VTI1A: variants seen among roughly 807,000 people sequenced by gnomAD.
VTI1A encodes vesicle transport through interaction with t-SNAREs homolog 1A.
Under a neutral mutation model 34.9 loss-of-function variants are expected in VTI1A, and 22 were observed. The ratio of observed to expected loss-of-function variants is 0.63; its 90% CI spans 0.45 to 0.90. VTI1A has a LOEUF of 0.90. VTI1A is among the 40% of genes least tolerant of loss of function. The pLI, the probability that VTI1A is intolerant of heterozygous loss-of-function variation, is 0.00. For synonymous variants in VTI1A, 87 were observed against 97.3 expected (o/e 0.89, Z 0.62); for missense variants, 268 against 275.6 (o/e 0.97, Z 0.20).
chr10:112,821,940 T>A (rs984493853), downstream of VTI1A, among the ~76,000 whole-genome samples: 1 of 152,152 alleles, frequency 6.6e-6, no homozygotes, highest in Admixed American at 6.5e-5. Flanking sequence ...CTCGCGGTGG[T>A]GGATGCCTGA....
At chr10:112,580,594 C>G (rs1843890913) in intron 5 of VTI1A, among the ~76,000 whole-genome samples, 1 of 152,054 alleles carries the variant, frequency 6.6e-6, no homozygotes, top group African/African-American at 2.4e-5. Flanking sequence ...AAAGTTGATG[C>G]CTTTTGAGAA....
chr10:112,558,593 C>G (rs1230253806), intron 5 of VTI1A, among the ~76,000 whole-genome samples: 2 of 152,172 alleles, frequency 1.3e-5, no homozygotes, highest in East Asian at 3.9e-4. Context: ...TTTAGAGAAG[C>G]AGAGCCTGAG....
At chr10:112,571,081 C>A (rs1589918210) in intron 5 of VTI1A, among the ~76,000 whole-genome samples, 1 of 152,242 alleles carries the variant, frequency 6.6e-6, no homozygotes, top group East Asian at 1.9e-4. Context: ...CAAAACATTC[C>A]ATTTTATGGT....
At chr10:112,513,110 C>T (rs1849668382) in intron 3 of VTI1A, among the ~76,000 whole-genome samples, 1 of 151,932 alleles carries the variant, frequency 6.6e-6, no homozygotes, top group African/African-American at 2.4e-5. Context: ...TGCATTGAAT[C>T]TGTAGATTGC....
At chr10:112,508,012 A>G (rs1259081941) in intron 3 of VTI1A, among the ~76,000 whole-genome samples, 1 of 152,144 alleles carries the variant, frequency 6.6e-6, no homozygotes, top group Non-Finnish European at 1.5e-5. Context: ...GGTTTTCAAA[A>G]CTATGATTTT....
chr10:112,821,871 C>T (rs893084471), downstream of VTI1A, among the ~76,000 whole-genome samples: 1 of 152,214 alleles, frequency 6.6e-6, no homozygotes, highest in Admixed American at 6.5e-5. Context: ...CTTCTGGACA[C>T]AGGAAGTGGT....
intron 3 of VTI1A, among the ~76,000 whole-genome samples, chr10:112,476,028 C>G (rs1425316952): frequency 6.6e-6 from 1 of 152,134 alleles, no homozygotes; most frequent in Non-Finnish European, 1.5e-5. Context: ...TCCAATTCGT[C>G]AAATTGTATT....
At chr10:112,738,850 GGAAGA>G (rs1207625570) in intron 7 of VTI1A, among the ~76,000 whole-genome samples, 3 of 152,088 alleles carry the variant, frequency 2.0e-5, no homozygotes, top group Non-Finnish European at 4.4e-5. Flanking sequence ...AAGCCCTCAT[GGAAGA>G]GAAATGCTTT....
chr10:112,835,133 G>T, the VTI1A span, among the ~76,000 whole-genome samples: 1 of 152,046 alleles, frequency 6.6e-6, no homozygotes, highest in East Asian at 1.9e-4. Context: ...TGCTGCCCTG[G>T]ATCTCCCAGG....
At chr10:112,616,555 GA>G (rs992260500) in intron 5 of VTI1A, among the ~76,000 whole-genome samples, 5 of 148,572 alleles carry the variant, frequency 3.4e-5, no homozygotes, top group African/African-American at 9.9e-5. Flanking sequence ...AACATACAAA[GA>G]AAAAAAAATG....
At chr10:112,491,576 A>G (rs1848823274) in intron 3 of VTI1A, among the ~76,000 whole-genome samples, 1 of 152,250 alleles carries the variant, frequency 6.6e-6, no homozygotes, top group South Asian at 2.1e-4. Context: ...AAAGAGGCGA[A>G]ATTGATTTTA....
chr10:112,656,521 A>AGTTTT (rs1847235128), intron 5 of VTI1A, among the ~76,000 whole-genome samples: 1 of 103,212 alleles, frequency 9.7e-6, no homozygotes, highest in Non-Finnish European at 1.9e-5. Flanking sequence ...CACCCAGATA[A>AGTTTT]TTTTTTTTTT....
rs1353097693 is a variant in VTI1A, at chr10:112,817,166, GAC to G, written c.*1788_*1789del. 4.3e-6 allele frequency: 1 copy of G among 232,410 alleles called. No individual in the cohort carries two copies. Among genetic ancestry groups the G allele is most frequent in the Non-Finnish European group, 8.5e-6 (1 of 117,618 alleles). The allele number at this position is 232,410 out of a possible 1,614,324, so 14.4% of individuals were successfully genotyped here. On this transcript the variant is annotated 3_prime_UTR_variant, in exon 8 of 8. Coordinates refer to ENST00000393077, the MANE Select transcript of VTI1A (RefSeq NM_145206.4). ...AAACAAACAACCCTTTTCTCATTCC[GAC>G]ACACGAATAGTCATCGAGTATTACA...
intron 5 of VTI1A, 23 bp downstream of exon 5, chr10:112,538,353 A>T (rs1417896376): frequency 6.2e-7 from 1 of 1,608,188 alleles, no homozygotes; most frequent in South Asian, 1.1e-5. Flanking sequence ...AGAGTGAGCA[A>T]ATTGTCTTGC....
intron 7 of VTI1A, among the ~76,000 whole-genome samples, chr10:112,699,977 G>A (rs1848942142): frequency 1.3e-5 from 2 of 150,964 alleles, no homozygotes; most frequent in African/African-American, 4.9e-5. Flanking sequence ...AAATTAGCCG[G>A]GTATGGTGGC....
At chr10:112,518,034 A>T (rs1849851835) in intron 3 of VTI1A, among the ~76,000 whole-genome samples, 1 of 152,110 alleles carries the variant, frequency 6.6e-6, no homozygotes, top group Admixed American at 6.6e-5. Flanking sequence ...ACTTTTTATA[A>T]ATCTTAAACA....
chr10:112,700,100 A>G (rs1848947779), intron 7 of VTI1A, among the ~76,000 whole-genome samples: 1 of 147,162 alleles, frequency 6.8e-6, no homozygotes, highest in South Asian at 2.3e-4. Context: ...CCTGGGTAAC[A>G]GAGCGAGACT....
At chr10:112,590,872 G>T (rs911337942) in intron 5 of VTI1A, among the ~76,000 whole-genome samples, 1 of 151,314 alleles carries the variant, frequency 6.6e-6, no homozygotes, top group African/African-American at 2.4e-5. Flanking sequence ...AGGCCAAGGC[G>T]GGCAGATTAC....
At chr10:112,585,685 G>A (rs1182458977) in intron 5 of VTI1A, among the ~76,000 whole-genome samples, 1 of 91,266 alleles carries the variant, frequency 1.1e-5, no homozygotes, top group Non-Finnish European at 2.2e-5. Flanking sequence ...TTTTTTTTTG[G>A]TTGTGTCACA....
Sources: gnomAD v4.1 joint callset for allele counts (sites outside exome capture counted in the v4.1 genomes callset) on GRCh38, gnomAD v4.1.1 for gene constraint, MANE v1.5 for transcripts, NCBI Gene and HGNC (gene_info 2026-07-23, HGNC 2026-07-21) for gene names.